ADAMTS17: variants seen among roughly 807,000 people sequenced by gnomAD.
ADAMTS17 encodes the protein ADAM metallopeptidase with thrombospondin type 1 motif 17.
Under a neutral mutation model 141.5 loss-of-function variants are expected in ADAMTS17, and 113 were observed. The observed-to-expected ratio is 0.80, with a 90% CI of 0.69 to 0.93. The LOEUF (loss-of-function observed/expected upper bound fraction) is 0.93. Ranked by LOEUF, ADAMTS17 falls within the 40% of genes least tolerant of loss-of-function variation. The pLI is 0.00. For synonymous variants in ADAMTS17, 768 were observed against 630.6 expected (o/e 1.22, Z -3.27); for missense variants, 1,659 against 1,517.9 (o/e 1.09, Z -1.54).
At chr15:100,018,367 G>T (rs1431068166) in intron 18 of ADAMTS17, among the ~76,000 whole-genome samples, 2 of 152,210 alleles carry the variant, frequency 1.3e-5, no homozygotes, top group Admixed American at 6.5e-5. Flanking sequence ...CCCGATATGG[G>T]TTGGCTCTGG....
At chr15:100,039,079 T>G (rs1458796692) in intron 18 of ADAMTS17, among the ~76,000 whole-genome samples, 1 of 152,244 alleles carries the variant, frequency 6.6e-6, no homozygotes, top group East Asian at 1.9e-4. Flanking sequence ...TTTATTTCTG[T>G]AAGGTCAGTA....
intron 15 of ADAMTS17, among the ~76,000 whole-genome samples, chr15:100,072,439 G>A (rs552862344): frequency 0.01 from 1,530 of 150,038 alleles, 73 homozygotes; most frequent in Non-Finnish European, 0.016. Flanking sequence ...AAAAGAGCCC[G>A]CATTGCCAAG....
intron 15 of ADAMTS17, among the ~76,000 whole-genome samples, chr15:100,084,446 A>C (rs1232568781): frequency 5.3e-5 from 8 of 152,238 alleles, no homozygotes. Context: ...AGGCAGGAGA[A>C]ACCTCTGCAG....
At chr15:100,050,128 C>G (rs942077819) in intron 17 of ADAMTS17, among the ~76,000 whole-genome samples, 1 of 152,206 alleles carries the variant, frequency 6.6e-6, no homozygotes, top group African/African-American at 2.4e-5. Flanking sequence ...CCCCACATGG[C>G]AGCCTCGCAT....
intron 20 of ADAMTS17, among the ~76,000 whole-genome samples, chr15:99,984,322 T>A (rs2060541160): frequency 6.6e-6 from 1 of 152,234 alleles, no homozygotes; most frequent in African/African-American, 2.4e-5. Context: ...GTGGGTAACT[T>A]TGCTTCCCAC....
At chr15:100,046,614 CA>C (rs1175976071) in intron 18 of ADAMTS17, among the ~76,000 whole-genome samples, 3 of 152,158 alleles carry the variant, frequency 2.0e-5, no homozygotes, top group Non-Finnish European at 2.9e-5. Context: ...ATTAGTTCCC[CA>C]AATAAATACT....
At chr15:100,166,995 C>G (rs148005777) in intron 8 of ADAMTS17, among the ~76,000 whole-genome samples, 5 of 152,210 alleles carry the variant, frequency 3.3e-5, no homozygotes, top group Admixed American at 1.3e-4. Context: ...AAACTTTCTG[C>G]GATGACGGGA....
intron 8 of ADAMTS17, among the ~76,000 whole-genome samples, chr15:100,161,035 T>G (rs188610723): frequency 6.6e-6 from 1 of 152,346 alleles, no homozygotes; most frequent in East Asian, 1.9e-4. Flanking sequence ...CCCAGTAATT[T>G]TAACTTTCAG....
rs1398615005 is a variant in ADAMTS17 at position 99,997,360 on chromosome 15, C to T, written c.2796+25G>A. The T allele has an allele frequency of 6.2e-7, 1 of 1,613,212 alleles. No homozygotes were observed. The highest frequency in any genetic ancestry group is 1.1e-5 in the South Asian group (1 of 91,060). On this transcript the variant is annotated intron_variant, in intron 19 of 21. Coordinates refer to ENST00000268070, the MANE Select transcript of ADAMTS17 (RefSeq NM_139057.4). The surrounding 1 kb of genome is among the most constrained non-coding windows in gnomAD (Gnocchi z 4.7). ...CGTGTTGGAGTCCCTGTGGCTGAGT[C>T]CTGGTGGCAAGCCCAGGCACCCACC...
intron 8 of ADAMTS17, among the ~76,000 whole-genome samples, chr15:100,156,082 A>G (rs2039422112): frequency 6.6e-6 from 1 of 152,230 alleles, no homozygotes; most frequent in African/African-American, 2.4e-5. Context: ...AAAAAAGAAC[A>G]TGTACTTTCA....
chr15:99,980,616 A>G (rs1237696291), intron 20 of ADAMTS17: 1 of 152,170 alleles, frequency 6.6e-6, no homozygotes, highest in Non-Finnish European at 1.5e-5. Flanking sequence ...CCAGCTGGGG[A>G]GTCAGTCCCA....
Position 100,210,876 on chromosome 15 carries a change from C to G in ADAMTS17, c.1076-11453G>C, listed in dbSNP as rs185224862. ...CAGCACTTTGGGCAGCAGAGATGGG[C>G]GGATCACGAGGTCAGGAGATCGAGA... On this transcript the variant is annotated intron_variant, in intron 7 of 21. Coordinates refer to ENST00000268070, the MANE Select transcript of ADAMTS17 (RefSeq NM_139057.4). Among the ~76,000 whole-genome samples the G allele has an allele frequency of 6.5e-3, 995 of 152,062 alleles. 11 individuals are homozygous for G. The highest frequency in any genetic ancestry group is 0.023 in the African/African-American group (974 of 41,486).
At chr15:100,283,994 C>T (rs969950227) in intron 3 of ADAMTS17, among the ~76,000 whole-genome samples, 13 of 152,080 alleles carry the variant, frequency 8.5e-5, no homozygotes, top group Non-Finnish European at 1.3e-4. Flanking sequence ...TAATCCCAGC[C>T]ACTCGGGAGG....
chr15:100,116,965 C>T lies in ADAMTS17; in HGVS notation c.1770G>A (p.Ala590=), dbSNP rs768052546. The T allele has an allele frequency of 4.0e-5, 64 of 1,613,742 alleles. No individual in the cohort carries two copies. Among genetic ancestry groups the T allele is most frequent in the Middle Eastern group, 1.7e-4 (1 of 6,054 alleles). Reference sequence around the variant, plus strand: ...TGGGGCAGGGCAGGTTCTCGCAGACCGCATGTTCTACACTGGCACCCGGGC... The same window carrying T: ...TGGGGCAGGGCAGGTTCTCGCAGACTGCATGTTCTACACTGGCACCCGGGC... ...THCPGASVEH[A]VCENLPCPKG... The change falls in exon 13 of 22, where the codon GCG becomes GCA. Residue 590 remains alanine, a synonymous_variant. Transcript: ENST00000268070.
intron 10 of ADAMTS17, among the ~76,000 whole-genome samples, chr15:100,149,191 G>A (rs2039049518): frequency 6.6e-6 from 1 of 152,274 alleles, no homozygotes. Flanking sequence ...GAGCCCTGAA[G>A]TGTGGCACTG....
At chr15:100,240,605 C>A (rs528593052) in intron 7 of ADAMTS17, among the ~76,000 whole-genome samples, 7 of 152,340 alleles carry the variant, frequency 4.6e-5, no homozygotes, top group African/African-American at 1.7e-4. Context: ...ACATGACAAA[C>A]TCAAGTAATG....
chr15:100,200,554 C>T (rs1440734633), intron 7 of ADAMTS17, among the ~76,000 whole-genome samples: 3 of 152,170 alleles, frequency 2.0e-5, no homozygotes, highest in Non-Finnish European at 4.4e-5. Context: ...CTCCCGTGGG[C>T]GTTTAACCCC....
intron 3 of ADAMTS17, among the ~76,000 whole-genome samples, chr15:100,296,647 T>C (rs954693411): frequency 4.6e-5 from 7 of 152,122 alleles, no homozygotes; most frequent in African/African-American, 1.7e-4. Context: ...ATTTACGATA[T>C]ATGATTAAGA....
At chr15:100,052,616 G>A (rs945971837) in intron 16 of ADAMTS17, among the ~76,000 whole-genome samples, 2 of 152,196 alleles carry the variant, frequency 1.3e-5, no homozygotes, top group African/African-American at 2.4e-5. Context: ...ATGCTAACAG[G>A]TGAAGTTTCA....
Sources: allele counts gnomAD v4.1 joint callset (sites outside exome capture counted in the v4.1 genomes callset), GRCh38; gene constraint gnomAD v4.1.1; non-coding constraint Gnocchi (gnomAD v3.1); transcripts MANE v1.5; gene names NCBI Gene and HGNC (gene_info 2026-07-23, HGNC 2026-07-21).